The following CDH18 variants were observed in gnomAD, a reference collection of about 807,000 sequenced individuals.
CDH18 encodes the protein cadherin 18.
Under a neutral mutation model 67.9 loss-of-function variants are expected in CDH18, and 31 were observed. The ratio of observed to expected loss-of-function variants is 0.46; its 90% CI spans 0.34 to 0.62. The LOEUF (loss-of-function observed/expected upper bound fraction) is 0.62. Ranked by LOEUF, CDH18 falls within the 20% of genes least tolerant of loss-of-function variation. The probability of loss-of-function intolerance (pLI) is 0.01; values close to 1 mark genes in which losing one functional copy is unlikely to be tolerated. For missense variants in CDH18, 890 were observed against 975.5 expected (o/e 0.91, Z 1.17); for synonymous variants, 362 against 347.2 (o/e 1.04, Z -0.48).
At chr5:19,943,640 T>C (rs191473970) in intron 2 of CDH18, among the ~76,000 whole-genome samples, 143 of 152,200 alleles carry the variant, frequency 9.4e-4, no homozygotes, top group Non-Finnish European at 1.7e-3. Context: ...TATAATATCC[T>C]GAGTCTTTTA....
At chr5:19,820,222 T>C (rs1779722595) in intron 3 of CDH18, among the ~76,000 whole-genome samples, 1 of 151,808 alleles carries the variant, frequency 6.6e-6, no homozygotes, top group Admixed American at 6.6e-5. Context: ...GTGTAGCAAG[T>C]TGGCCAGCTG....
At chr5:19,910,722 G>A (rs1791043223) in intron 2 of CDH18, among the ~76,000 whole-genome samples, 1 of 152,090 alleles carries the variant, frequency 6.6e-6, no homozygotes, top group Non-Finnish European at 1.5e-5. Flanking sequence ...AGTTATCTAA[G>A]TCTTACCACG....
At chr5:19,631,435 C>A (rs898362721) in intron 5 of CDH18, among the ~76,000 whole-genome samples, 1 of 151,904 alleles carries the variant, frequency 6.6e-6, no homozygotes, top group Non-Finnish European at 1.5e-5. Flanking sequence ...TACTTAAGTC[C>A]TACGTTTAAG....
chr5:20,471,846 A>AAAAAAAAAAAAAAAAAAC (rs1752108749), intron 1 of CDH18, among the ~76,000 whole-genome samples: 1 of 150,230 alleles, frequency 6.7e-6, no homozygotes, highest in Admixed American at 6.6e-5. Flanking sequence ...AAAAAAAAAA[A>AAAAAAAAAAAAAAAAAAC]AAAAAGCAAA....
intron 5 of CDH18, among the ~76,000 whole-genome samples, chr5:19,704,168 C>T (rs1763647472): frequency 1.3e-5 from 2 of 152,024 alleles, no homozygotes; most frequent in African/African-American, 4.8e-5. Flanking sequence ...TGATAAATGT[C>T]CTACCTGTGA....
At chr5:20,081,513 C>A (rs1355932365) in intron 2 of CDH18, among the ~76,000 whole-genome samples, 1 of 152,166 alleles carries the variant, frequency 6.6e-6, no homozygotes, top group Non-Finnish European at 1.5e-5. Context: ...TTCACCATAG[C>A]ATTATTCACA....
chr5:20,100,023 T>C (rs943937150), intron 2 of CDH18, among the ~76,000 whole-genome samples: 2 of 152,126 alleles, frequency 1.3e-5, no homozygotes, highest in Non-Finnish European at 2.9e-5. Context: ...TGACTTCAAA[T>C]GGTCCGCCCG....
chr5:20,379,610 A>C (rs1338795222), intron 1 of CDH18, among the ~76,000 whole-genome samples: 19 of 152,150 alleles, frequency 1.2e-4, no homozygotes, highest in Non-Finnish European at 1.5e-5. Context: ...AAAAATAAAA[A>C]CATGATGAAT....
chr5:19,948,729 A>G (rs1226056424), intron 2 of CDH18, among the ~76,000 whole-genome samples: 1 of 152,192 alleles, frequency 6.6e-6, no homozygotes, highest in Non-Finnish European at 1.5e-5. Context: ...TATGAATTTC[A>G]TGGCATACTA....
intron 2 of CDH18, among the ~76,000 whole-genome samples, chr5:20,151,147 C>G (rs937892228): frequency 3.3e-5 from 5 of 151,892 alleles, no homozygotes; most frequent in Admixed American, 6.6e-5. Flanking sequence ...TTCATACCCC[C>G]CTTTCTCTCC....
At position 19,473,347 on chromosome 5, in the gene CDH18, C is replaced by T; in HGVS notation, c.2252G>A (p.Ser751Asn). Residue 751 changes from serine to asparagine, a missense_variant, in exon 13 of 13, where the codon AGC becomes AAC. By Grantham distance (46) the Ser-to-Asn change is conservative (BLOSUM62 1). This residue lies in a region of CDH18 where 656 missense variants were observed against 668.1 expected (regional missense o/e 0.98). Transcript: ENST00000382275. ...EGQRSEAGSI[S>N]SLDSATTQSD... ...TTGTGTCGTTGCTGAATCCAGCGAGCTGATAGACCCAGCTTCTGATCTCTG... is the reference window on the plus strand; with the variant it reads ...TTGTGTCGTTGCTGAATCCAGCGAGTTGATAGACCCAGCTTCTGATCTCTG... The T allele has an allele frequency of 6.2e-7, 1 of 1,613,882 alleles. No homozygotes were observed. Among genetic ancestry groups the T allele is most frequent in the South Asian group, 1.1e-5 (1 of 91,080 alleles).
intron 2 of CDH18, among the ~76,000 whole-genome samples, chr5:20,028,790 T>C (rs1409175983): frequency 1.3e-5 from 2 of 152,170 alleles, no homozygotes; most frequent in Non-Finnish European, 2.9e-5. Context: ...ATTTAAAACT[T>C]ACAATTTGCT....
intron 1 of CDH18, among the ~76,000 whole-genome samples, chr5:20,563,116 G>A (rs1039644762): frequency 6.6e-6 from 1 of 151,788 alleles, no homozygotes. Context: ...TACTCTAGGA[G>A]TTATAACATG....
At chr5:20,438,411 A>G (rs955983782) in intron 1 of CDH18, among the ~76,000 whole-genome samples, 5 of 151,258 alleles carry the variant, frequency 3.3e-5, no homozygotes, top group African/African-American at 9.7e-5. Context: ...ATTGCTACCT[A>G]ATATTCTGCA....
At position 20,025,845 on chromosome 5, in the gene CDH18, T is replaced by C. The variant is rs541806123; in HGVS notation, c.-517-33831A>G. 1.4e-4 allele frequency among the ~76,000 whole-genome samples: 22 copies of C among 152,356 alleles called. No homozygotes were observed. In the South Asian group the frequency reaches 3.5e-3, roughly 24 times the overall value. Reference sequence around the variant, plus strand: ...AGCTAGTCACCCAGCAAATTCTTTTTATATCACAACTTTCTTCACATGCTT... The same window carrying C: ...AGCTAGTCACCCAGCAAATTCTTTTCATATCACAACTTTCTTCACATGCTT... On this transcript the variant is annotated intron_variant, in intron 2 of 14. Coordinates refer to the CDH18 transcript ENST00000507958.
At chr5:20,131,696 A>G (rs1367708656) in intron 2 of CDH18, among the ~76,000 whole-genome samples, 1 of 152,168 alleles carries the variant, frequency 6.6e-6, no homozygotes, top group Admixed American at 6.6e-5. Context: ...CATTTAAAAT[A>G]TAATGAACTT....
chr5:20,484,555 A>C (rs2126334446), intron 1 of CDH18, among the ~76,000 whole-genome samples: 1 of 152,230 alleles, frequency 6.6e-6, no homozygotes, highest in East Asian at 1.9e-4. Flanking sequence ...ATGAATGGAT[A>C]AAGAAAATAT....
intron 5 of CDH18, among the ~76,000 whole-genome samples, chr5:19,665,205 C>G (rs548345579): frequency 6.6e-6 from 1 of 151,798 alleles, no homozygotes; most frequent in Non-Finnish European, 1.5e-5. Context: ...ATTAAATAAA[C>G]GATGTCAAAA....
At chr5:20,187,479 T>G (rs970783471) in intron 2 of CDH18, among the ~76,000 whole-genome samples, 2 of 151,878 alleles carry the variant, frequency 1.3e-5, no homozygotes, top group Admixed American at 1.3e-4. Context: ...GATTTCAAAC[T>G]AAATGTACCT....
Sources: allele counts gnomAD v4.1 joint callset (sites outside exome capture counted in the v4.1 genomes callset), GRCh38; gene constraint gnomAD v4.1.1; regional missense constraint gnomAD v4.1.1; transcripts MANE v1.5; gene names NCBI Gene and HGNC (gene_info 2026-07-23, HGNC 2026-07-21).